The following MYO10 variants were observed in gnomAD, a reference collection of about 807,000 sequenced individuals.
MYO10 encodes the protein myosin X.
A neutral mutation model predicts 257.3 loss-of-function variants in MYO10; 133 were observed. That is an observed-to-expected ratio of 0.52 (90% CI 0.45 to 0.60). The LOEUF (loss-of-function observed/expected upper bound fraction) is 0.60, where lower values mean the gene tolerates loss of function less well. Ranked by LOEUF, MYO10 falls within the 20% of genes least tolerant of loss-of-function variation. MYO10 has a pLI of 0.00. For missense variants in MYO10, 2,399 were observed against 2,635.7 expected (o/e 0.91, Z 1.97); for synonymous variants, 1,104 against 1,028.6 (o/e 1.07, Z -1.40).
At chr5:16,932,939 T>C (rs1746330100) in intron 1 of MYO10, among the ~76,000 whole-genome samples, 1 of 152,122 alleles carries the variant, frequency 6.6e-6, no homozygotes, top group African/African-American at 2.4e-5. Context: ...AGCTAAGTTT[T>C]GTAGAGATGA....
In MYO10 at chr5:16,763,759, A is replaced by AG. The variant is rs1251956282; in HGVS notation, c.1327-5dup. 5 of 1,524,180 alleles carry AG rather than the reference A, an allele frequency of 3.3e-6. No individual in the cohort carries two copies. The highest frequency in any genetic ancestry group is 1.7e-5 in the Admixed American group (1 of 57,588). The allele number at this position is 1,524,180 out of a possible 1,614,324, so 94.4% of individuals were successfully genotyped here. On this transcript the variant is annotated splice_polypyrimidine_tract_variant and splice_region_variant and intron_variant, in intron 12 of 40. Transcript: ENST00000513610. ...TGAACTGTTCAAAGTGATTAACCTAAGGGGGGAAAGCATTCAATAAGTATC... is the reference window on the plus strand; with the variant it reads ...TGAACTGTTCAAAGTGATTAACCTAAGGGGGGGAAAGCATTCAATAAGTATC...
chr5:16,698,403 T>C (rs749348162), intron 26 of MYO10, among the ~76,000 whole-genome samples: 99 of 152,210 alleles, frequency 6.5e-4, no homozygotes, highest in Non-Finnish European at 1.1e-3. Flanking sequence ...AGTAAATAAT[T>C]TTCCAAAAGG....
intron 19 of MYO10, among the ~76,000 whole-genome samples, chr5:16,717,487 TTAAAGATCACAATTTTAAGGG>T (rs1738922790): frequency 2.0e-5 from 3 of 152,170 alleles, no homozygotes; most frequent in African/African-American, 7.2e-5. Flanking sequence ...TACAGGCGAC[TTAAAGATCACAATTTTAAGGG>T]CCACGACCAC....
intron 4 of MYO10, among the ~76,000 whole-genome samples, chr5:16,787,703 TA>T (rs1741629537): frequency 6.6e-6 from 1 of 151,548 alleles, no homozygotes; most frequent in South Asian, 2.1e-4. Context: ...CAGGCTGTAT[TA>T]AAAATTGTGA....
In MYO10 at chr5:16,780,592, T is replaced by G. The variant is rs1163512740; in HGVS notation, c.758A>C (p.Gln253Pro). 6.3e-7 allele frequency: 1 copy of G among 1,579,252 alleles called. No homozygotes were observed. Among genetic ancestry groups the G allele is most frequent in the Non-Finnish European group, 8.6e-7 (1 of 1,160,602 alleles). The stretch of plus-strand genomic sequence containing the variant: ...GTGATAATTCCTTTCCCCGGGATTT[T>G]GCCTTACTACTCGGTTCTGGGAAGA... Reference protein sequence around the residue: ...YLLEKNRVVRQNPGERNYHIF... With the variant: ...YLLEKNRVVRPNPGERNYHIF... The change falls in exon 8 of 41, where the codon CAA becomes CCA. Residue 253 changes from glutamine to proline, a missense_variant. Coordinates refer to ENST00000513610, the MANE Select transcript of MYO10 (RefSeq NM_012334.3).
intron 18 of MYO10, among the ~76,000 whole-genome samples, chr5:16,755,401 G>A (rs1302975795): frequency 6.6e-6 from 1 of 152,198 alleles, no homozygotes; most frequent in Non-Finnish European, 1.5e-5. Flanking sequence ...TCCTGACTTC[G>A]TGATCCACCG....
At chr5:16,885,515 T>C (rs1744871959) in intron 1 of MYO10, among the ~76,000 whole-genome samples, 1 of 151,824 alleles carries the variant, frequency 6.6e-6, no homozygotes, top group African/African-American at 2.4e-5. Flanking sequence ...CTACTAAAAA[T>C]GCAAAAAATT....
chr5:16,827,076 T>C (rs1388679660), intron 2 of MYO10, among the ~76,000 whole-genome samples: 1 of 152,210 alleles, frequency 6.6e-6, no homozygotes, highest in African/African-American at 2.4e-5. Flanking sequence ...CTATTGTTTT[T>C]GCTGCTTCCT....
intron 19 of MYO10, among the ~76,000 whole-genome samples, chr5:16,748,467 A>T (rs754716046): frequency 8.6e-5 from 13 of 151,272 alleles, no homozygotes; most frequent in Admixed American, 6.6e-4. Context: ...CTGGTCTCGA[A>T]CTCCTGGCCT....
intron 19 of MYO10, among the ~76,000 whole-genome samples, chr5:16,753,598 G>A (rs1377982655): frequency 6.6e-6 from 1 of 151,092 alleles, no homozygotes; most frequent in Non-Finnish European, 1.5e-5. Flanking sequence ...AGCCTCCTGA[G>A]TGGCTGGGAT....
At chr5:16,866,466 ATG>A (rs1471253136) in intron 2 of MYO10, among the ~76,000 whole-genome samples, 1 of 152,180 alleles carries the variant, frequency 6.6e-6, no homozygotes, top group Non-Finnish European at 1.5e-5. Flanking sequence ...GCTGAACCAT[ATG>A]TGATTGCCGA....
chr5:16,706,879 C>T (rs1430448410), intron 21 of MYO10, among the ~76,000 whole-genome samples: 6 of 152,196 alleles, frequency 3.9e-5, no homozygotes, highest in Admixed American at 3.9e-4. Context: ...CTGTCAGTTT[C>T]ATTAAGAACA....
intron 2 of MYO10, among the ~76,000 whole-genome samples, chr5:16,858,957 CAG>C (rs1479617468): frequency 6.6e-6 from 1 of 151,674 alleles, no homozygotes; most frequent in Non-Finnish European, 1.5e-5. Context: ...GACTCCATCT[CAG>C]GGGAAAAAAA....
intron 2 of MYO10, among the ~76,000 whole-genome samples, chr5:16,863,913 C>T (rs1474931406): frequency 6.6e-6 from 1 of 152,126 alleles, no homozygotes; most frequent in Admixed American, 6.5e-5. Context: ...GCCTGGGCAA[C>T]AAGGCAAAAC....
intron 9 of MYO10, among the ~76,000 whole-genome samples, chr5:16,778,334 G>A (rs1349782363): frequency 6.6e-6 from 1 of 152,172 alleles, no homozygotes; most frequent in Non-Finnish European, 1.5e-5. Context: ...GAGACAGGAT[G>A]ACTAATGCTC....
intron 17 of MYO10, among the ~76,000 whole-genome samples, chr5:16,761,094 G>A (rs994016777): frequency 2.8e-4 from 43 of 152,126 alleles, no homozygotes; most frequent in African/African-American, 7.5e-4. Context: ...AGGTTAAAGC[G>A]ATTCTCCTGT....
chr5:16,879,635 C>A (rs1028419058), intron 1 of MYO10, among the ~76,000 whole-genome samples: 1 of 152,136 alleles, frequency 6.6e-6, no homozygotes, highest in Non-Finnish European at 1.5e-5. Flanking sequence ...AATTCCTAAC[C>A]CCATGCTCTT....
intron 19 of MYO10, among the ~76,000 whole-genome samples, chr5:16,735,018 G>A (rs1343844350): frequency 6.6e-6 from 1 of 152,126 alleles, no homozygotes; most frequent in Admixed American, 6.5e-5. Context: ...AAACTAAAGT[G>A]ACAAACCAAT....
Position 16,764,337 on chromosome 5 carries a change from T to C in MYO10, c.1239A>G (p.Val413=). Residue 413 remains valine, a synonymous_variant, in exon 12 of 41, where the codon GTA becomes GTG. Transcript: ENST00000513610. ...TGATCCTGCTGTTGATCTTCTTGAT[T>C]ACCCACTCAAAGCAGCACGCATACA... is the stretch of plus-strand genomic sequence containing the variant. ...MALYACCFEW[V]IKKINSRIKG... 1.9e-6 allele frequency: 3 copies of C among 1,613,892 alleles called. No individual in the cohort carries two copies. The highest frequency in any genetic ancestry group is 2.5e-6 in the Non-Finnish European group (3 of 1,179,878).
Sources: gnomAD v4.1 joint callset for allele counts (sites outside exome capture counted in the v4.1 genomes callset) on GRCh38, gnomAD v4.1.1 for gene constraint, MANE v1.5 for transcripts, NCBI Gene and HGNC (gene_info 2026-07-23, HGNC 2026-07-21) for gene names.